Variants in GC observed in about 807,000 individuals in gnomAD.
The protein encoded by GC is vitamin D-binding protein.
A neutral mutation model predicts 56.7 loss-of-function variants in GC; 43 were observed. That is an observed-to-expected ratio of 0.76 (90% CI 0.59 to 0.98). The LOEUF is 0.98. Among genes scored for constraint, GC ranks in the 50% least tolerant of loss-of-function variants. The pLI is 0.00. For synonymous variants in GC, 216 were observed against 202.7 expected, an observed-to-expected ratio of 1.07 and a Z score of -0.56; for missense variants, 529 against 545.9, an observed-to-expected ratio of 0.97 and a Z score of 0.31.
intron 1 of GC, 66 bp from the exon 2 acceptor site, chr4:71,769,466 T>C: frequency 9.8e-7 from 1 of 1,020,676 alleles, no homozygotes; most frequent in African/African-American, 1.6e-5. Context: ...TACATGTACA[T>C]GTATAAAGTG....
chr4:71,751,709 A>C (rs1283623322), intron 11 of GC, among the ~76,000 whole-genome samples: 1 of 152,130 alleles, frequency 6.6e-6, no homozygotes, highest in Non-Finnish European at 1.5e-5. Flanking sequence ...ACATTTAAAG[A>C]AAGATGAATC....
At chr4:71,776,439 G>C (rs1742510028) in intron 1 of GC, among the ~76,000 whole-genome samples, 1 of 151,712 alleles carries the variant, frequency 6.6e-6, no homozygotes, top group African/African-American at 2.4e-5. Flanking sequence ...TATCATATAT[G>C]GAATCTGAAA....
At chr4:71,746,538 A>G (rs1417649822) in intron 11 of GC, among the ~76,000 whole-genome samples, 2 of 151,990 alleles carry the variant, frequency 1.3e-5, no homozygotes, top group Admixed American at 6.6e-5. Flanking sequence ...AGCGGAGCAG[A>G]TGTCTTCTAA....
chr4:71,768,989 C>T (rs1317818374), intron 2 of GC, among the ~76,000 whole-genome samples: 1 of 152,188 alleles, frequency 6.6e-6, no homozygotes, highest in Admixed American at 6.5e-5. Flanking sequence ...TAAGCCTCCC[C>T]AAATGTACTT....
At chr4:71,762,788 C>G (rs558739452) in intron 6 of GC, among the ~76,000 whole-genome samples, 1 of 152,288 alleles carries the variant, frequency 6.6e-6, no homozygotes, top group South Asian at 2.1e-4. Context: ...TAAGATGTGA[C>G]TTGCTCCTCC....
intron 3 of GC, among the ~76,000 whole-genome samples, chr4:71,767,115 G>A (rs899706966): frequency 6.6e-6 from 1 of 152,084 alleles, no homozygotes; most frequent in Non-Finnish European, 1.5e-5. Context: ...TGGAAGAAAA[G>A]GATTATAAAA....
At chr4:71,771,906 G>T (rs1578305211) in intron 1 of GC, among the ~76,000 whole-genome samples, 2 of 152,140 alleles carry the variant, frequency 1.3e-5, no homozygotes, top group Admixed American at 1.3e-4. Flanking sequence ...GATGTCAAGA[G>T]TTGTTTTTAG....
At chr4:71,777,111 G>A (rs990405801) in intron 1 of GC, among the ~76,000 whole-genome samples, 2 of 151,238 alleles carry the variant, frequency 1.3e-5, no homozygotes, top group Non-Finnish European at 3.0e-5. Context: ...TTAATTTTTA[G>A]TATGGCCAAA....
upstream of GC, among the ~76,000 whole-genome samples, chr4:71,804,659 T>A (rs1343150218): frequency 6.6e-6 from 1 of 152,146 alleles, no homozygotes; most frequent in Non-Finnish European, 1.5e-5. Context: ...ATAAATGGGC[T>A]AGCAGCTCCA....
chr4:71,746,784 A>AAC (rs896997895), intron 11 of GC, among the ~76,000 whole-genome samples: 2 of 150,886 alleles, frequency 1.3e-5, no homozygotes, highest in African/African-American at 2.4e-5. Flanking sequence ...AAAAAAAAAA[A>AAC]AAAAAAAAAA....
In GC at chr4:71,778,470, G is replaced by A. The variant is rs1463706516; in HGVS notation, c.58+5491C>T. ...GGAAGAAAGCATTAAATGCTCAGTG[G>A]TGAAAACTGAGGGTTTAGTCCAAAA... On this transcript the variant is annotated intron_variant, in intron 1 of 12. Transcript: ENST00000273951. Among the ~76,000 whole-genome samples the A allele has an allele frequency of 2.0e-5, 3 of 151,894 alleles. No homozygotes were observed. In the East Asian group the frequency reaches 5.8e-4, roughly 29 times the overall value.
chr4:71,793,099 C>T (rs569553309), intron 1 of GC, among the ~76,000 whole-genome samples: 1 of 152,298 alleles, frequency 6.6e-6, no homozygotes, highest in South Asian at 2.1e-4. Flanking sequence ...TAGCATGATT[C>T]TTCCAGCTTT....
exon 1 of GC, chr4:71,803,942 A>G: frequency 6.6e-7 from 1 of 1,507,810 alleles, no homozygotes; most frequent in Non-Finnish European, 8.9e-7. Context: ...CCAAGACCAC[A>G]GCATTTCCTA....
intron 6 of GC, among the ~76,000 whole-genome samples, chr4:71,762,832 C>A (rs1359411733): frequency 6.6e-6 from 1 of 152,198 alleles, no homozygotes; most frequent in Non-Finnish European, 1.5e-5. Context: ...GCCTCCCCAG[C>A]CATGTGGAAC....
chr4:71,798,363 CA>C (rs1405087232), intron 1 of GC, among the ~76,000 whole-genome samples: 35 of 152,254 alleles, frequency 2.3e-4, no homozygotes, highest in African/African-American at 7.2e-4. Flanking sequence ...CTATGAGTGA[CA>C]TTTTTTTGTT....
At chr4:71,767,121 T>C (rs558176815) in intron 3 of GC, among the ~76,000 whole-genome samples, 1 of 152,170 alleles carries the variant, frequency 6.6e-6, no homozygotes, top group Non-Finnish European at 1.5e-5. Context: ...AAAAGGATTA[T>C]AAAATTCTGA....
chr4:71,801,629 G>T (rs1743256010), intron 1 of GC, among the ~76,000 whole-genome samples: 1 of 152,064 alleles, frequency 6.6e-6, no homozygotes, highest in Non-Finnish European at 1.5e-5. Flanking sequence ...TCTTATGGAA[G>T]AAACTCTAGT....
intron 7 of GC, among the ~76,000 whole-genome samples, chr4:71,757,495 TA>T (rs5859288): frequency 4.0e-5 from 6 of 151,686 alleles, no homozygotes; most frequent in South Asian, 4.2e-4. Context: ...TGAAAAATGG[TA>T]AAAAAAATTG....
chr4:71,805,090 C>G (rs1743334079), upstream of GC, among the ~76,000 whole-genome samples: 1 of 152,070 alleles, frequency 6.6e-6, no homozygotes, highest in Non-Finnish European at 1.5e-5. Flanking sequence ...CCCACTTGTT[C>G]CCAGAGCTCT....
Sources: gnomAD v4.1 joint callset for allele counts (sites outside exome capture counted in the v4.1 genomes callset) on GRCh38, gnomAD v4.1.1 for gene constraint, MANE v1.5 for transcripts, NCBI Gene and HGNC (gene_info 2026-07-23, HGNC 2026-07-21) for gene names.